The following LRWD1 variants were observed in gnomAD, a reference collection of about 807,000 sequenced individuals.
LRWD1 encodes leucine-rich repeat and WD repeat-containing protein 1.
In LRWD1, 76 loss-of-function variants were observed where a neutral mutation model predicts 75.6. That is an observed-to-expected ratio of 1.01 (90% confidence interval 0.84 to 1.22). The LOEUF (loss-of-function observed/expected upper bound fraction) is 1.22. LRWD1 is among the 50% of genes most tolerant of loss of function. LRWD1 has a pLI of 0.00. For missense variants in LRWD1, 917 were observed against 862.0 expected, an observed-to-expected ratio of 1.06 and a Z score of -0.80; for synonymous variants, 487 against 377.0, an observed-to-expected ratio of 1.29 and a Z score of -3.38.
At position 102,465,881 on chromosome 7, in the gene LRWD1, C is replaced by T. The variant is rs1797959266; in HGVS notation, c.145C>T (p.Leu49=). 6.2e-7 allele frequency: 1 copy of T among 1,613,630 alleles called. No homozygotes were observed. The highest frequency in any genetic ancestry group is 8.5e-7 in the Non-Finnish European group (1 of 1,180,022). The change falls in exon 2 of 15, where the codon CTG becomes TTG. Residue 49 remains leucine, a synonymous_variant. Transcript: ENST00000292616. ...CAAACTCCTGTGCCGCCTGACGCAG[C>T]TGCAGGAGCTTGACCTGTCTAACAA... ...DPKLLCRLTQ[L]QELDLSNNHL...
Position 102,467,479 on chromosome 7 carries a change from G to C in LRWD1, c.573G>C (p.Arg191=), listed in dbSNP as rs201978340. 1 of 1,612,648 alleles carries C rather than the reference G, an allele frequency of 6.2e-7. No individual in the cohort carries two copies. The highest frequency in any genetic ancestry group is 2.2e-5 in the East Asian group (1 of 44,838). ...PESLSEFTQW[R]VRMISEELVA... is the part of the protein sequence containing the mutation. ...CCCTCAGCGAGTTCACCCAGTGGCG[G>C]GTATGTCCCTGTCCCAATGTGCAGG... is the stretch of plus-strand genomic sequence containing the variant. The change falls in exon 4 of 15, where the codon CGG becomes CGC. Residue 191 remains arginine, a splice_region_variant and synonymous_variant. Transcript: ENST00000292616.
chr7:102,472,830 G>C (rs762865605), intron 14 of LRWD1, 26 bp downstream of exon 14: 1 of 1,612,364 alleles, frequency 6.2e-7, no homozygotes, highest in Non-Finnish European at 8.5e-7. Flanking sequence ...CCCTGCCCAG[G>C]CTTGGGCTGG....
At chr7:102,472,854 G>T (rs550995923) in intron 14 of LRWD1, 50 bp downstream of exon 14, 2 of 1,611,566 alleles carry the variant, frequency 1.2e-6, no homozygotes, top group Non-Finnish European at 1.7e-6. Flanking sequence ...GGCATCAGGG[G>T]CCCTGCCTTT....
chr7:102,469,715 G>A, intron 10 of LRWD1, 27 bp from the exon 11 acceptor site: 2 of 1,612,674 alleles, frequency 1.2e-6, no homozygotes, highest in South Asian at 2.2e-5. Flanking sequence ...TGGGTCTGAT[G>A]CTCTGTTCCC....
chr7:102,469,969 A>C, intron 11 of LRWD1, 87 bp downstream of exon 11: 1 of 1,405,216 alleles, frequency 7.1e-7, no homozygotes, highest in Non-Finnish European at 9.3e-7. Flanking sequence ...GCCTGGGCAC[A>C]CCCGGGTAAC....
At position 102,468,959 on chromosome 7, in the gene LRWD1, G is replaced by GCTGCTGCACGTGCGTGCCGGCTT; in HGVS notation, c.1133_1155dup (p.Gly386ThrfsTer129). The GCTGCTGCACGTGCGTGCCGGCTT allele has an allele frequency of 4.3e-6, 7 of 1,612,650 alleles. No individual in the cohort carries two copies. Among genetic ancestry groups the GCTGCTGCACGTGCGTGCCGGCTT allele is most frequent in the Non-Finnish European group, 5.9e-6 (7 of 1,179,882 alleles). On this transcript the variant is annotated frameshift_variant, in exon 9 of 15. Transcript: ENST00000292616. LOFTEE classifies it high-confidence loss of function. The stretch of plus-strand genomic sequence containing the variant: ...CTGCAGGCCTACGGGGCCTGGTCCG[G>GCTGCTGCACGTGCGTGCCGGCTT]CTGCTGCACGTGCGTGCCGGCTTCT...
rs748401639 is a variant in LRWD1 at position 102,472,327 on chromosome 7, G to C, written c.1534+18G>C. ...CATCGTGGGTGAGTGAGCTCAGCTT[G>C]TGGGACAGCCTGGCCTCCGGGCACA... On this transcript the variant is annotated intron_variant, in intron 12 of 14. Coordinates refer to ENST00000292616, the MANE Select transcript of LRWD1 (RefSeq NM_152892.3). The C allele has an allele frequency of 6.4e-7, 1 of 1,560,952 alleles. No homozygotes were observed. The highest frequency in any genetic ancestry group is 1.2e-5 in the South Asian group (1 of 85,074).
chr7:102,469,918 C>G (rs1798136106), intron 11 of LRWD1, 36 bp downstream of exon 11: 2 of 1,483,610 alleles, frequency 1.3e-6, no homozygotes, highest in African/African-American at 1.4e-5. Context: ...GAAGCCAGGC[C>G]TCTGCAGAGG....
rs756990326 is a variant in LRWD1, at chr7:102,468,050, C to A, written c.679-12C>A. ...GGCAGACAGGCCCATGGTCACAAGG[C>A]CCCCTCCACAGGCCAGACTGGCGGC... is the stretch of plus-strand genomic sequence containing the variant. On this transcript the variant is annotated splice_polypyrimidine_tract_variant and intron_variant, in intron 5 of 14. Transcript: ENST00000292616. The A allele has an allele frequency of 2.5e-6, 4 of 1,604,558 alleles. No individual in the cohort carries two copies. In the Admixed American group the frequency reaches 5.0e-5, roughly 20 times the overall value.
chr7:102,469,487 G>T, intron 9 of LRWD1, 87 bp from the exon 10 acceptor site: 1 of 1,507,982 alleles, frequency 6.6e-7, no homozygotes, highest in Non-Finnish European at 9.2e-7. Flanking sequence ...CTGGCCTTGG[G>T]ACCGTGGGCT....
rs956294440 is a variant in LRWD1, at chr7:102,465,024, G to A, written c.-57G>A. The A allele has an allele frequency of 2.1e-6, 3 of 1,405,790 alleles. No individual in the cohort carries two copies. The highest frequency in any genetic ancestry group is 1.5e-5 in the African/African-American group (1 of 65,786). 87.1% of individuals were successfully genotyped at this position (1,405,790 alleles called of 1,614,324 possible). A position where few individuals can be genotyped will look rare whatever the true frequency, so the allele number is the denominator to read the frequency against. On this transcript the variant is annotated 5_prime_UTR_variant, in exon 1 of 15. Transcript: ENST00000292616. ...CAGTGCCGGGCTCCAGGAGACGCAG[G>A]GCGACGCCACACGCCGGGGTGGCCG...
chr7:102,470,273 G>C (rs1798147295), intron 11 of LRWD1: 2 of 178,494 alleles, frequency 1.1e-5, no homozygotes. Flanking sequence ...GGGCAGGCAG[G>C]CTTTGGAAGT....
chr7:102,465,050 A>G lies in LRWD1; in HGVS notation c.-31A>G. 1 of 1,456,350 alleles carries G rather than the reference A, an allele frequency of 6.9e-7. No homozygotes were observed. Among genetic ancestry groups the G allele is most frequent in the Non-Finnish European group, 9.1e-7 (1 of 1,104,868 alleles). 90.2% of individuals were successfully genotyped at this position (1,456,350 alleles called of 1,614,324 possible). On this transcript the variant is annotated 5_prime_UTR_variant, in exon 1 of 15. Transcript: ENST00000292616. Reference sequence around the variant, plus strand: ...GCGACGCCACACGCCGGGGTGGCCGACTGGGTCAGCGCGGGCTGCGCCTCC... The same window carrying G: ...GCGACGCCACACGCCGGGGTGGCCGGCTGGGTCAGCGCGGGCTGCGCCTCC...
At position 102,472,578 on chromosome 7, in the gene LRWD1, G is replaced by C; in HGVS notation, c.1659G>C (p.Glu553Asp). 1.2e-6 allele frequency: 2 copies of C among 1,608,472 alleles called. No individual in the cohort carries two copies. The highest frequency in any genetic ancestry group is 8.5e-7 in the Non-Finnish European group (1 of 1,177,764). ...CGCGGCTGCAATGGTCGTCCACCGA[G>C]TTGGCCTACTTCTCGCTCAGCGCCT... is the stretch of plus-strand genomic sequence containing the variant. ...VLARLQWSST[E>D]LAYFSLSACP... The change falls in exon 13 of 15, where the codon GAG (glutamate) becomes GAC (aspartate). Residue 553 changes from glutamate to aspartate, a missense_variant. Glu to Asp is a conservative substitution (Grantham distance 45). Transcript: ENST00000292616.
chr7:102,467,343 C>A lies in LRWD1; in HGVS notation c.437C>A (p.Thr146Lys), dbSNP rs771112724. Reference sequence around the variant, plus strand: ...ATCTGGTCCCTCTTGCACCAGGTCACAGCTCACTGGGAGAAGTTCATGGCC... The same window carrying A: ...ATCTGGTCCCTCTTGCACCAGGTCAAAGCTCACTGGGAGAAGTTCATGGCC... ...NLNRELTSRV[T>K]AHWEKFMATL... Residue 146 changes from threonine to lysine, a missense_variant, in exon 4 of 15, where the codon ACA (threonine) becomes AAA (lysine). Transcript: ENST00000292616. 1.2e-6 allele frequency: 2 copies of A among 1,605,584 alleles called. No individual in the cohort carries two copies. The highest frequency in any genetic ancestry group is 1.7e-4 in the Middle Eastern group (1 of 5,948).
At position 102,468,374 on chromosome 7, in the gene LRWD1, G is replaced by A. The variant is rs758664434; in HGVS notation, c.916G>A (p.Glu306Lys). Residue 306 changes from glutamate (E) to lysine (K), a missense_variant, in exon 7 of 15, where the codon GAG (glutamate) becomes AAG (lysine). Coordinates refer to ENST00000292616, the MANE Select transcript of LRWD1 (RefSeq NM_152892.3). ...WACAFEPAWE[E>K]GATSQTVATC... is the part of the protein sequence containing the mutation. ...CTGTGCCTTCGAGCCGGCCTGGGAG[G>A]AGGGTACATGGTGGCGGGCAGGCGG... 47 of 1,604,936 alleles carry A rather than the reference G, an allele frequency of 2.9e-5. No individual in the cohort carries two copies. Among genetic ancestry groups the A allele is most frequent in the Non-Finnish European group, 3.7e-5 (44 of 1,176,440 alleles).
Position 102,468,544 on chromosome 7 carries a change from G to A in LRWD1, c.920-10G>A, listed in dbSNP as rs763545450. The stretch of plus-strand genomic sequence containing the variant: ...TCTGCTCATCCGACCTCTCAAAACC[G>A]GGCACTCAGGGGCCACATCCCAGAC... On this transcript the variant is annotated splice_polypyrimidine_tract_variant and intron_variant, in intron 7 of 14. Coordinates refer to ENST00000292616, the MANE Select transcript of LRWD1 (RefSeq NM_152892.3). The A allele has an allele frequency of 3.9e-5, 61 of 1,560,504 alleles. No homozygotes were observed. Among genetic ancestry groups the A allele is most frequent in the South Asian group, 7.1e-5 (6 of 84,770 alleles).
chr7:102,467,168 T>G (rs11764925), intron 3 of LRWD1, among the ~76,000 whole-genome samples, 171 bp from the exon 4 acceptor site: 4,206 of 18,300 alleles, frequency 0.23, 572 homozygotes, highest in East Asian at 0.57. Flanking sequence ...GGGGTGTGTG[T>G]GGGGTGTGTG....
chr7:102,469,157 T>A (rs778709625), intron 9 of LRWD1, 95 bp downstream of exon 9: 31 of 1,191,902 alleles, frequency 2.6e-5, no homozygotes, highest in Non-Finnish European at 3.5e-5. Flanking sequence ...GGCTGTGAGC[T>A]CGGGCGCCTG....
Sources: allele counts gnomAD v4.1 joint callset (sites outside exome capture counted in the v4.1 genomes callset), GRCh38; gene constraint gnomAD v4.1.1; transcripts MANE v1.5; gene names NCBI Gene and HGNC (gene_info 2026-07-23, HGNC 2026-07-21).